The following CLSTN2 variants were observed in gnomAD, a reference collection of about 807,000 sequenced individuals.
The protein encoded by CLSTN2 is calsyntenin-2.
In CLSTN2, 48 loss-of-function variants were observed where a neutral mutation model predicts 101.2. The ratio of observed to expected loss-of-function variants is 0.47; its 90% CI spans 0.38 to 0.60. The LOEUF (loss-of-function observed/expected upper bound fraction) is 0.60, where lower values mean the gene tolerates loss of function less well. Ranked by LOEUF, CLSTN2 falls within the 20% of genes least tolerant of loss-of-function variation. The probability of loss-of-function intolerance (pLI) is 0.00; values close to 1 mark genes in which losing one functional copy is unlikely to be tolerated. For synonymous variants in CLSTN2, 481 were observed against 463.6 expected, an observed-to-expected ratio of 1.04 and a Z score of -0.48; for missense variants, 1,160 against 1,238.2, an observed-to-expected ratio of 0.94 and a Z score of 0.95.
intron 1 of CLSTN2, among the ~76,000 whole-genome samples, chr3:139,941,500 C>A (rs563608651): frequency 6.6e-6 from 1 of 152,298 alleles, no homozygotes; most frequent in Admixed American, 6.5e-5. Flanking sequence ...CTGTCTAGGG[C>A]AAACACTGCA....
intron 2 of CLSTN2, among the ~76,000 whole-genome samples, chr3:140,203,870 G>T (rs146764925): frequency 1.3e-5 from 2 of 152,238 alleles, no homozygotes; most frequent in East Asian, 3.9e-4. Flanking sequence ...AAAATAACCC[G>T]CAAGATTCTG....
chr3:139,945,199 A>T (rs1369967953), intron 1 of CLSTN2, among the ~76,000 whole-genome samples: 2 of 152,216 alleles, frequency 1.3e-5, no homozygotes, highest in Non-Finnish European at 2.9e-5. Flanking sequence ...ACTGTGGAGT[A>T]TCAAAGAAAG....
chr3:140,191,489 T>C (rs1284693727), intron 2 of CLSTN2, among the ~76,000 whole-genome samples: 3 of 152,028 alleles, frequency 2.0e-5, no homozygotes, highest in African/African-American at 7.2e-5. Context: ...TAATTTTTCA[T>C]TAAATGTTTG....
intron 2 of CLSTN2, among the ~76,000 whole-genome samples, chr3:140,316,270 G>C (rs932875579): frequency 2.0e-5 from 3 of 152,180 alleles, no homozygotes; most frequent in Non-Finnish European, 2.9e-5. Flanking sequence ...CTGCATGAGA[G>C]GTAGAAACTC....
chr3:140,162,058 C>T (rs2010055494), intron 1 of CLSTN2, among the ~76,000 whole-genome samples: 1 of 152,064 alleles, frequency 6.6e-6, no homozygotes, highest in Non-Finnish European at 1.5e-5. Flanking sequence ...TACATTTTTG[C>T]AATTATCTTT....
At chr3:140,518,217 C>G (rs1234754980) in intron 8 of CLSTN2, among the ~76,000 whole-genome samples, 1 of 152,178 alleles carries the variant, frequency 6.6e-6, no homozygotes. Flanking sequence ...CCCCAGGCTA[C>G]CAGCCTGCCA....
At chr3:140,011,464 T>C (rs1416719583) in intron 1 of CLSTN2, among the ~76,000 whole-genome samples, 2 of 152,180 alleles carry the variant, frequency 1.3e-5, no homozygotes, top group Non-Finnish European at 2.9e-5. Context: ...TCCTGCCCAC[T>C]ATGTGCTATG....
At chr3:140,545,943 C>G (rs533227182) in intron 9 of CLSTN2, among the ~76,000 whole-genome samples, 73 of 152,308 alleles carry the variant, frequency 4.8e-4, no homozygotes, top group African/African-American at 1.7e-3. Context: ...CTCATAAATG[C>G]AGCATTTCTA....
chr3:140,246,546 A>G (rs1356896982), intron 2 of CLSTN2, among the ~76,000 whole-genome samples: 1 of 152,172 alleles, frequency 6.6e-6, no homozygotes, highest in Non-Finnish European at 1.5e-5. Context: ...GGCCTGCACA[A>G]TGGGCATGAT....
intron 1 of CLSTN2, among the ~76,000 whole-genome samples, chr3:139,992,183 G>T (rs1227876355): frequency 6.6e-6 from 1 of 152,206 alleles, no homozygotes; most frequent in African/African-American, 2.4e-5. Flanking sequence ...TGAGTGTGGA[G>T]AGGGCAATTT....
chr3:140,411,191 C>A (rs1227598738), intron 4 of CLSTN2, among the ~76,000 whole-genome samples: 5 of 152,122 alleles, frequency 3.3e-5, no homozygotes, highest in Admixed American at 6.5e-5. Context: ...ATTCACTTCA[C>A]TTTTAAGGAC....
intron 2 of CLSTN2, among the ~76,000 whole-genome samples, chr3:140,199,721 A>G (rs1459768263): frequency 1.3e-5 from 2 of 152,174 alleles, no homozygotes; most frequent in Non-Finnish European, 2.9e-5. Flanking sequence ...GCCTGGGGTG[A>G]GTTCTGGGTA....
chr3:140,099,912 G>A (rs1260798078), intron 1 of CLSTN2, among the ~76,000 whole-genome samples: 2 of 152,150 alleles, frequency 1.3e-5, no homozygotes, highest in Admixed American at 1.3e-4. Flanking sequence ...ATGTTCCTGA[G>A]GCAGCAGCAC....
At chr3:140,459,439 A>G (rs1933500372) in intron 6 of CLSTN2, 82 bp from the exon 7 acceptor site, 1 of 1,503,882 alleles carries the variant, frequency 6.6e-7, no homozygotes, top group African/African-American at 1.4e-5. Context: ...TACACTGAGT[A>G]GTTCACCTTG....
chr3:140,074,194 T>A (rs959181143), intron 1 of CLSTN2, among the ~76,000 whole-genome samples: 5 of 152,318 alleles, frequency 3.3e-5, no homozygotes, highest in South Asian at 2.1e-4. Context: ...GTTTATTTTT[T>A]AAAAATCACC....
intron 8 of CLSTN2, among the ~76,000 whole-genome samples, chr3:140,476,393 TATGG>T (rs1406399590): frequency 1.3e-5 from 2 of 152,178 alleles, no homozygotes; most frequent in South Asian, 2.1e-4. Flanking sequence ...ATGCCCAGAT[TATGG>T]ATGAAGAGTG....
chr3:140,010,301 T>C (rs902740808), intron 1 of CLSTN2, among the ~76,000 whole-genome samples: 1 of 152,224 alleles, frequency 6.6e-6, no homozygotes, highest in Non-Finnish European at 1.5e-5. Flanking sequence ...GTGAAGACTC[T>C]TTCTGTCATA....
chr3:140,279,298 T>C (rs4076964), intron 2 of CLSTN2, among the ~76,000 whole-genome samples: 139,121 of 152,258 alleles, frequency 0.91, 64,082 homozygotes, highest in Non-Finnish European at 0.97. Flanking sequence ...TGGCTCAGCA[T>C]CCGAATTCAG....
chr3:140,478,244 G>A (rs9881121), intron 8 of CLSTN2, among the ~76,000 whole-genome samples: 22,644 of 150,202 alleles, frequency 0.15, 2,199 homozygotes, highest in Non-Finnish European at 0.22. Flanking sequence ...ATATGCTGAT[G>A]TTCTACACTG....
Sources: gnomAD v4.1 joint callset for allele counts (sites outside exome capture counted in the v4.1 genomes callset) on GRCh38, gnomAD v4.1.1 for gene constraint, MANE v1.5 for transcripts, NCBI Gene and HGNC (gene_info 2026-07-23, HGNC 2026-07-21) for gene names.